The following GRM7 variants were observed in gnomAD, a reference collection of about 807,000 sequenced individuals.
GRM7 encodes the protein glutamate metabotropic receptor 7, also known as metabotropic glutamate receptor 7.
In GRM7, 35 loss-of-function variants were observed where a neutral mutation model predicts 84.5. The observed-to-expected ratio is 0.41, with a 90% CI of 0.32 to 0.55. The LOEUF is 0.55. GRM7 is among the 20% of genes least tolerant of loss of function. The probability of loss-of-function intolerance (pLI) is 0.19; values close to 1 mark genes in which losing one functional copy is unlikely to be tolerated. For synonymous variants in GRM7, 487 were observed against 455.1 expected, an observed-to-expected ratio of 1.07 and a Z score of -0.89; for missense variants, 1,003 against 1,194.6, an observed-to-expected ratio of 0.84 and a Z score of 2.36.
intron 1 of GRM7, among the ~76,000 whole-genome samples, chr3:6,995,173 T>G (rs1477044439): frequency 1.3e-5 from 2 of 152,204 alleles, no homozygotes; most frequent in African/African-American, 4.8e-5. Context: ...TCACGAGACA[T>G]GAGTGATAAA....
chr3:7,222,189 A>G (rs1211907880), intron 2 of GRM7, among the ~76,000 whole-genome samples: 1 of 152,102 alleles, frequency 6.6e-6, no homozygotes, highest in East Asian at 1.9e-4. Flanking sequence ...CAAAATGACA[A>G]TATGTCTGAA....
intron 2 of GRM7, among the ~76,000 whole-genome samples, chr3:7,187,144 A>T (rs1260626838): frequency 6.6e-6 from 1 of 152,130 alleles, no homozygotes; most frequent in Non-Finnish European, 1.5e-5. Context: ...GAGTTTTCAG[A>T]TCTTCATCAA....
intron 5 of GRM7, among the ~76,000 whole-genome samples, chr3:7,444,590 G>A (rs1697426105): frequency 2.0e-5 from 3 of 152,160 alleles, no homozygotes; most frequent in Admixed American, 2.0e-4. Context: ...CCTTGGTGGA[G>A]TCTCTCAGGA....
At chr3:6,970,572 C>A (rs911608885) in intron 1 of GRM7, among the ~76,000 whole-genome samples, 1 of 152,094 alleles carries the variant, frequency 6.6e-6, no homozygotes, top group South Asian at 2.1e-4. Flanking sequence ...GAGGGAAAGC[C>A]GTGGTGGGAA....
chr3:7,739,647 C>T (rs1020762427), intron 9 of GRM7, among the ~76,000 whole-genome samples: 1 of 152,164 alleles, frequency 6.6e-6, no homozygotes, highest in African/African-American at 2.4e-5. Context: ...CAGTGCCTAG[C>T]CCTGTGGCTG....
chr3:7,044,475 A>G (rs1696732362), intron 1 of GRM7, among the ~76,000 whole-genome samples: 1 of 152,204 alleles, frequency 6.6e-6, no homozygotes, highest in South Asian at 2.1e-4. Context: ...TTTTTAAAAT[A>G]TGAGAAAATA....
At chr3:7,209,691 G>A (rs1696356238) in intron 2 of GRM7, among the ~76,000 whole-genome samples, 1 of 152,172 alleles carries the variant, frequency 6.6e-6, no homozygotes, top group African/African-American at 2.4e-5. Context: ...AGTCATTGCA[G>A]GAGGAAGGGC....
chr3:6,884,658 A>G (rs1010307255), intron 1 of GRM7, among the ~76,000 whole-genome samples: 1 of 151,856 alleles, frequency 6.6e-6, no homozygotes, highest in Admixed American at 6.6e-5. Context: ...GGAGCGCAGT[A>G]TCATGATCTC....
At position 7,202,735 on chromosome 3, in the gene GRM7, A is replaced by G. The variant is rs536917077; in HGVS notation, c.736+56067A>G. On this transcript the variant is annotated intron_variant, in intron 2 of 9. Coordinates refer to ENST00000357716, the MANE Select transcript of GRM7 (RefSeq NM_000844.4). ...TATTGAAGATATAATCATTAACTCA[A>G]ACATGTCCTAGATCTTCGGAGCCAA... Among the ~76,000 whole-genome samples the G allele has an allele frequency of 1.8e-4, 28 of 152,290 alleles. No individual in the cohort carries two copies. The South Asian group carries it at 4.4e-3, about 24-fold the overall frequency.
At chr3:7,443,334 C>A (rs1358283456) in intron 5 of GRM7, among the ~76,000 whole-genome samples, 1 of 152,082 alleles carries the variant, frequency 6.6e-6, no homozygotes, top group Non-Finnish European at 1.5e-5. Flanking sequence ...TAATTGCTCT[C>A]AAAAAATGTA....
At chr3:6,988,835 C>G (rs73812004) in intron 1 of GRM7, among the ~76,000 whole-genome samples, 2,221 of 152,198 alleles carry the variant, frequency 0.015, 59 homozygotes, top group African/African-American at 0.051. Flanking sequence ...TGTCTTCACT[C>G]CATATACACC....
At position 7,486,975 on chromosome 3, in the gene GRM7, A is replaced by G. The variant is rs1025188949; in HGVS notation, c.1515+25253A>G. ...CTTAGAGATTAGTTAAGTTGTGGTG[A>G]CTGAAATGTAGATAGGAATATAGAC... On this transcript the variant is annotated intron_variant, in intron 7 of 9. Coordinates refer to ENST00000357716, the MANE Select transcript of GRM7 (RefSeq NM_000844.4). This position sits in a 1 kb window ranked among gnomAD's most constrained non-coding sequence, Gnocchi z 5.5. 2.0e-5 allele frequency among the ~76,000 whole-genome samples: 3 copies of G among 152,208 alleles called. No homozygotes were observed. The highest frequency in any genetic ancestry group is 7.2e-5 in the African/African-American group (3 of 41,448).
At chr3:7,575,353 A>G (rs1391783517) in intron 7 of GRM7, among the ~76,000 whole-genome samples, 2 of 152,082 alleles carry the variant, frequency 1.3e-5, no homozygotes, top group Non-Finnish European at 2.9e-5. Flanking sequence ...TGCACCTTAC[A>G]TCTGGCTTTC....
At chr3:7,319,750 CTGTT>C (rs1700706311) in intron 4 of GRM7, among the ~76,000 whole-genome samples, 1 of 151,974 alleles carries the variant, frequency 6.6e-6, no homozygotes, top group Non-Finnish European at 1.5e-5. Context: ...ACAAAAGATA[CTGTT>C]TGTTTTTCTC....
At chr3:7,271,626 C>T (rs1022983477) in intron 2 of GRM7, among the ~76,000 whole-genome samples, 2 of 149,230 alleles carry the variant, frequency 1.3e-5, no homozygotes, top group Non-Finnish European at 3.0e-5. Flanking sequence ...CTCAGTGGAT[C>T]AGAACCTGGA....
intron 3 of GRM7, 41 bp downstream of exon 3, chr3:7,298,866 A>G (rs758662537): frequency 5.8e-6 from 9 of 1,542,200 alleles, no homozygotes; most frequent in Non-Finnish European, 8.1e-6. Context: ...GCATGTTGCA[A>G]TTTTAGGAGA....
At chr3:7,086,089 T>A (rs1698449752) in intron 1 of GRM7, among the ~76,000 whole-genome samples, 1 of 152,128 alleles carries the variant, frequency 6.6e-6, no homozygotes, top group Non-Finnish European at 1.5e-5. Context: ...CTAATATGTC[T>A]AATGATTGCT....
chr3:7,545,091 A>G (rs1346278278), intron 7 of GRM7, among the ~76,000 whole-genome samples: 1 of 152,242 alleles, frequency 6.6e-6, no homozygotes, highest in Non-Finnish European at 1.5e-5. Context: ...TGATGGATTG[A>G]GGATTAACAG....
chr3:7,437,216 C>G (rs750693165), intron 5 of GRM7, among the ~76,000 whole-genome samples: 5 of 152,156 alleles, frequency 3.3e-5, no homozygotes, highest in Admixed American at 6.5e-5. Flanking sequence ...ATAGTGCAGT[C>G]TATTTCATAG....
Sources: gnomAD v4.1 joint callset for allele counts (sites outside exome capture counted in the v4.1 genomes callset) on GRCh38, gnomAD v4.1.1 for gene constraint, Gnocchi (gnomAD v3.1) non-coding constraint, MANE v1.5 for transcripts, NCBI Gene and HGNC (gene_info 2026-07-23, HGNC 2026-07-21) for gene names.